COL4A4: variants seen among roughly 807,000 people sequenced by gnomAD.
COL4A4 encodes collagen alpha-4(IV) chain.
COL4A4 carries 105 observed loss-of-function variants against 192.9 expected under a neutral mutation model. The observed-to-expected ratio is 0.54, with a 90% CI of 0.46 to 0.64. COL4A4 has a LOEUF of 0.64. COL4A4 is among the 30% of genes least tolerant of loss of function. The pLI is 0.00. For synonymous variants in COL4A4, 762 were observed against 769.9 expected (o/e 0.99, Z 0.17); for missense variants, 1,967 against 2,169.3 (o/e 0.91, Z 1.85).
intron 1 of COL4A4, among the ~76,000 whole-genome samples, chr2:227,158,458 A>G (rs912706864): frequency 6.6e-6 from 1 of 152,142 alleles, no homozygotes; most frequent in Non-Finnish European, 1.5e-5. Flanking sequence ...CACAAATCAC[A>G]AAAGAAAAAA....
chr2:227,065,152 T>C lies in COL4A4; in HGVS notation c.1988-2554A>G, dbSNP rs370294214. On this transcript the variant is annotated intron_variant, in intron 25 of 47. Coordinates refer to ENST00000396625, the MANE Select transcript of COL4A4 (RefSeq NM_000092.5). ...GAGGGCACCTGGAAAATCGGGCCAC[T>C]CCCACCCGAATACTGCGCTTTTCCG... 4.2e-3 allele frequency among the ~76,000 whole-genome samples: 635 copies of C among 152,246 alleles called. 5 individuals are homozygous for C. Among genetic ancestry groups the C allele is most frequent in the African/African-American group, 0.015 (606 of 41,550 alleles).
chr2:227,161,025 G>T (rs1231855646), intron 1 of COL4A4, among the ~76,000 whole-genome samples: 1 of 152,236 alleles, frequency 6.6e-6, no homozygotes, highest in Non-Finnish European at 1.5e-5. Flanking sequence ...GGTGTATCTT[G>T]TATCTCATTA....
At position 227,047,202 on chromosome 2, in the gene COL4A4, C is replaced by T. The variant is rs562717002; in HGVS notation, c.3289+273G>A. Among the ~76,000 whole-genome samples, 3 of 152,036 alleles carry T rather than the reference C, an allele frequency of 2.0e-5. No individual in the cohort carries two copies. In the South Asian group the frequency reaches 6.2e-4, roughly 32 times the overall value. ...ATTTTTGAGTTTGCCAAAATATGGG[C>T]ATGCCTGGGGAGTTTATTATTGTGT... On this transcript the variant is annotated intron_variant, in intron 35 of 47. Transcript: ENST00000396625.
chr2:226,970,888 C>T, the COL4A4 span, among the ~76,000 whole-genome samples: 4 of 152,110 alleles, frequency 2.6e-5, no homozygotes, highest in East Asian at 1.9e-4. Context: ...TGAGGACCTT[C>T]GTGGACTTTT....
At chr2:226,993,319 C>T in the COL4A4 span, among the ~76,000 whole-genome samples, 510 of 152,326 alleles carry the variant, frequency 3.3e-3, 3 homozygotes, top group African/African-American at 0.011. Context: ...CAGGGTGCCA[C>T]GTCGAGCTTG....
intron 45 of COL4A4, 147 bp from the exon 46 acceptor site, chr2:227,010,648 A>C (rs1425411827): frequency 3.5e-6 from 2 of 577,100 alleles, no homozygotes; most frequent in South Asian, 2.9e-5. Flanking sequence ...TGGAACGTAC[A>C]CAGCTACACA....
intron 37 of COL4A4, among the ~76,000 whole-genome samples, chr2:227,035,280 A>G (rs899435599): frequency 6.6e-6 from 1 of 152,220 alleles, no homozygotes; most frequent in Non-Finnish European, 1.5e-5. Flanking sequence ...TTTGTATGCC[A>G]TATCTTTCTT....
chr2:227,099,413 T>A (rs575319597), intron 18 of COL4A4, among the ~76,000 whole-genome samples: 2 of 152,290 alleles, frequency 1.3e-5, no homozygotes, highest in African/African-American at 2.4e-5. Context: ...ATAGACTTTC[T>A]GAAAGATAAC....
At chr2:227,109,615 CAG>C (rs2061073245) in intron 9 of COL4A4, 2 of 406,076 alleles carry the variant, frequency 4.9e-6, no homozygotes, top group Non-Finnish European at 9.4e-6. Context: ...GGCGTGGTGG[CAG>C]GCGCCTGTAG....
chr2:227,050,251 C>T lies in COL4A4; in HGVS notation c.3151-120G>A, dbSNP rs545698562. ...TGGTTTTTGTAATCTGCAGTGGTAACGAAAGTTTAAATGCATGCAAGCCTC... is the reference window on the plus strand; with the variant it reads ...TGGTTTTTGTAATCTGCAGTGGTAATGAAAGTTTAAATGCATGCAAGCCTC... On this transcript the variant is annotated intron_variant, in intron 33 of 47. Transcript: ENST00000396625. 1.1e-4 allele frequency: 96 copies of T among 873,778 alleles called. No homozygotes were observed. The African/African-American group carries it at 1.3e-3, about 12-fold the overall frequency. The allele number at this position is 873,778 out of a possible 1,614,324, so 54.1% of individuals were successfully genotyped here.
chr2:227,159,838 G>A (rs1448152916), intron 1 of COL4A4, among the ~76,000 whole-genome samples: 1 of 152,204 alleles, frequency 6.6e-6, no homozygotes, highest in Non-Finnish European at 1.5e-5. Context: ...CCCAGTCTCA[G>A]GTGATTCTTC....
chr2:227,129,443 T>C (rs1465374397), intron 4 of COL4A4, among the ~76,000 whole-genome samples: 1 of 148,062 alleles, frequency 6.8e-6, no homozygotes, highest in Non-Finnish European at 1.5e-5. Context: ...AGAGTCTCAC[T>C]CTGTCACCCA....
At chr2:227,141,486 A>G (rs1464709711) in intron 3 of COL4A4, among the ~76,000 whole-genome samples, 1 of 152,220 alleles carries the variant, frequency 6.6e-6, no homozygotes, top group Admixed American at 6.5e-5. Context: ...GTATATGTGT[A>G]TGGGAGGGAA....
the COL4A4 span, among the ~76,000 whole-genome samples, chr2:226,971,758 T>TC: frequency 6.6e-6 from 1 of 152,314 alleles, no homozygotes; most frequent in East Asian, 1.9e-4. Context: ...TTGCTCTAAG[T>TC]TATCTGTCAT....
rs900674982 is a variant in COL4A4, at chr2:227,109,608, G to A, written c.595-322C>T. On this transcript the variant is annotated intron_variant, in intron 9 of 47. Coordinates refer to ENST00000396625, the MANE Select transcript of COL4A4 (RefSeq NM_000092.5). Reference sequence around the variant, plus strand: ...CTAAAAATACAAAAATTAGATGGGCGTGGTGGCAGGCGCCTGTAGTCCCAG... The same window carrying A: ...CTAAAAATACAAAAATTAGATGGGCATGGTGGCAGGCGCCTGTAGTCCCAG... 2.7e-4 allele frequency: 110 copies of A among 413,364 alleles called. 2 individuals are homozygous for A. The highest frequency in any genetic ancestry group is 1.5e-3 in the South Asian group (72 of 49,606). The allele number at this position is 413,364 out of a possible 1,614,324, so 25.6% of individuals were successfully genotyped here. A position where few individuals can be genotyped will look rare whatever the true frequency, so the allele number is the denominator to read the frequency against.
At chr2:227,094,643 G>A (rs922636298) in intron 19 of COL4A4, among the ~76,000 whole-genome samples, 5 of 152,106 alleles carry the variant, frequency 3.3e-5, no homozygotes, top group African/African-American at 1.2e-4. Flanking sequence ...GAAAATGATA[G>A]TTAACAATAC....
Position 227,022,519 on chromosome 2 carries a change from T to C in COL4A4, c.4091-346A>G, listed in dbSNP as rs753906137. ...GATTGCCCAATCTCTGGGCCATTTT[T>C]TACTGGAGTAGCAGCCACAGGTAGC... is the stretch of plus-strand genomic sequence containing the variant. On this transcript the variant is annotated intron_variant, in intron 43 of 47. Transcript: ENST00000396625. 5.4e-6 allele frequency: 3 copies of C among 555,658 alleles called. No individual in the cohort carries two copies. The highest frequency in any genetic ancestry group is 1.1e-5 in the Non-Finnish European group (3 of 274,260). The allele number at this position is 555,658 out of a possible 1,614,324, so 34.4% of individuals were successfully genotyped here. A position where few individuals can be genotyped will look rare whatever the true frequency, so the allele number is the denominator to read the frequency against.
intron 31 of COL4A4, among the ~76,000 whole-genome samples, chr2:227,052,961 C>T (rs149540280): frequency 4.6e-5 from 7 of 152,074 alleles, no homozygotes; most frequent in African/African-American, 1.2e-4. Flanking sequence ...ACCAGCTTGA[C>T]GAGTGCCAGT....
chr2:227,062,028 A>G (rs1392670970), intron 26 of COL4A4, among the ~76,000 whole-genome samples: 1 of 152,180 alleles, frequency 6.6e-6, no homozygotes, highest in African/African-American at 2.4e-5. Context: ...TCACAAGGTC[A>G]GGAGTTCAAG....
Sources: allele counts gnomAD v4.1 joint callset (sites outside exome capture counted in the v4.1 genomes callset), GRCh38; gene constraint gnomAD v4.1.1; transcripts MANE v1.5; gene names NCBI Gene and HGNC (gene_info 2026-07-23, HGNC 2026-07-21).